Variants in SUMF1 observed in about 807,000 individuals in gnomAD.
The protein encoded by SUMF1 is sulfatase modifying factor 1.
SUMF1 carries 48 observed loss-of-function variants against 47.6 expected under a neutral mutation model. The ratio of observed to expected loss-of-function variants is 1.01; its 90% CI spans 0.80 to 1.28. The LOEUF (loss-of-function observed/expected upper bound fraction) is 1.28. Among genes scored for constraint, SUMF1 ranks in the 50% most tolerant of loss-of-function variants. SUMF1 has a pLI of 0.00. For synonymous variants in SUMF1, 230 were observed against 192.1 expected (o/e 1.20, Z -1.63); for missense variants, 571 against 485.4 (o/e 1.18, Z -1.66).
chr3:4,419,361 C>T (rs1482056062), intron 4 of SUMF1, among the ~76,000 whole-genome samples: 1 of 152,140 alleles, frequency 6.6e-6, no homozygotes, highest in Non-Finnish European at 1.5e-5. Context: ...AGCTCCCCGA[C>T]AATAAGGGCA....
intron 8 of SUMF1, among the ~76,000 whole-genome samples, chr3:4,321,185 G>A (rs1049699776): frequency 1.3e-5 from 2 of 152,066 alleles, no homozygotes; most frequent in African/African-American, 4.8e-5. Flanking sequence ...ATTTAGCTTA[G>A]TATAGATACA....
chr3:4,371,683 A>G (rs766027921), intron 8 of SUMF1, among the ~76,000 whole-genome samples: 5 of 152,202 alleles, frequency 3.3e-5, no homozygotes, highest in African/African-American at 4.8e-5. Flanking sequence ...AACAACAATG[A>G]GTATTTCTTG....
At chr3:4,433,771 T>C (rs1702309090) in intron 3 of SUMF1, among the ~76,000 whole-genome samples, 2 of 152,226 alleles carry the variant, frequency 1.3e-5, no homozygotes, top group African/African-American at 4.8e-5. Context: ...TAGAGTTGTA[T>C]GCTGAACACA....
At chr3:4,042,265 C>T (rs1211914215) in intron 9 of SUMF1, among the ~76,000 whole-genome samples, 2 of 152,038 alleles carry the variant, frequency 1.3e-5, no homozygotes, top group African/African-American at 4.8e-5. Flanking sequence ...TCTATTATGT[C>T]ACCTGATCTT....
chr3:4,204,777 G>A (rs763793635), intron 8 of SUMF1, among the ~76,000 whole-genome samples: 4 of 151,578 alleles, frequency 2.6e-5, no homozygotes, highest in Non-Finnish European at 4.4e-5. Context: ...ACACACTGAT[G>A]TATTTTTTCA....
chr3:4,334,041 T>A (rs1415011717), intron 8 of SUMF1, among the ~76,000 whole-genome samples: 1 of 151,820 alleles, frequency 6.6e-6, no homozygotes, highest in Non-Finnish European at 1.5e-5. Context: ...GGTGGGCAGA[T>A]CACTTGAGCC....
At chr3:4,163,229 A>C (rs1694619461) in intron 8 of SUMF1, among the ~76,000 whole-genome samples, 1 of 151,542 alleles carries the variant, frequency 6.6e-6, no homozygotes, top group African/African-American at 2.4e-5. Flanking sequence ...ATTGAAGAGA[A>C]GAGAAACAAA....
In SUMF1 at chr3:4,264,435, CAG is replaced by C. The variant is rs1255014648; in HGVS notation, c.1014+111893_1014+111894del. Among the ~76,000 whole-genome samples, 9 of 152,324 alleles carry C rather than the reference CAG, an allele frequency of 5.9e-5. No homozygotes were observed. The South Asian group carries it at 1.9e-3, about 32-fold the overall frequency. On this transcript the variant is annotated intron_variant and NMD_transcript_variant, in intron 8 of 12. Coordinates refer to the SUMF1 transcript ENST00000448413. Reference sequence around the variant, plus strand: ...CGTCAAGTATCACCACACTGACAAACAGGGGAGGTTGGAGTGATGAACATTTC... The same window carrying C: ...CGTCAAGTATCACCACACTGACAAACGGGAGGTTGGAGTGATGAACATTTC...
intron 8 of SUMF1, among the ~76,000 whole-genome samples, chr3:4,093,436 T>C (rs994943147): frequency 5.9e-5 from 9 of 151,330 alleles, no homozygotes; most frequent in Admixed American, 3.3e-4. Context: ...GCTTTGCAAA[T>C]AGGAACACAG....
chr3:4,299,179 A>T (rs1339188781), intron 8 of SUMF1, among the ~76,000 whole-genome samples: 1 of 152,224 alleles, frequency 6.6e-6, no homozygotes, highest in Non-Finnish European at 1.5e-5. Flanking sequence ...AGCTTCTGAG[A>T]GGCAAGGCTT....
chr3:4,276,738 T>C (rs1697428431), intron 8 of SUMF1, among the ~76,000 whole-genome samples: 1 of 152,226 alleles, frequency 6.6e-6, no homozygotes, highest in South Asian at 2.1e-4. Flanking sequence ...TTTCCAAATA[T>C]GGCTTCATAG....
chr3:4,170,787 C>A (rs1280886403), intron 8 of SUMF1, among the ~76,000 whole-genome samples: 1 of 151,968 alleles, frequency 6.6e-6, no homozygotes, highest in Non-Finnish European at 1.5e-5. Context: ...TTAACAACAA[C>A]AAAAAAACGA....
chr3:4,297,203 C>T (rs1281900597), intron 8 of SUMF1, among the ~76,000 whole-genome samples: 16 of 139,894 alleles, frequency 1.1e-4, no homozygotes, highest in Non-Finnish European at 2.2e-4. Flanking sequence ...ATAAACATAA[C>T]TGTCTGTGAG....
chr3:4,377,382 G>A (rs543015670), intron 7 of SUMF1, among the ~76,000 whole-genome samples: 1 of 152,008 alleles, frequency 6.6e-6, no homozygotes, highest in Non-Finnish European at 1.5e-5. Context: ...CACAGTTTGA[G>A]CACTTTACAA....
At chr3:4,094,529 G>C (rs1439226857) in intron 8 of SUMF1, among the ~76,000 whole-genome samples, 1 of 152,062 alleles carries the variant, frequency 6.6e-6, no homozygotes, top group Non-Finnish European at 1.5e-5. Context: ...GGCTTTGAAG[G>C]TGAGGTAAGC....
chr3:4,175,256 C>T (rs911673460), intron 8 of SUMF1, among the ~76,000 whole-genome samples: 1 of 152,156 alleles, frequency 6.6e-6, no homozygotes, highest in African/African-American at 2.4e-5. Flanking sequence ...CCCCGTGTAG[C>T]CTAACTGGGA....
At chr3:4,459,517 C>A (rs1228904049) in intron 1 of SUMF1, among the ~76,000 whole-genome samples, 1 of 152,276 alleles carries the variant, frequency 6.6e-6, no homozygotes, top group African/African-American at 2.4e-5. Flanking sequence ...TTTCTACTGG[C>A]TTTCCTTGCT....
intron 8 of SUMF1, among the ~76,000 whole-genome samples, chr3:4,173,887 G>A (rs890199262): frequency 6.6e-6 from 1 of 152,124 alleles, no homozygotes; most frequent in African/African-American, 2.4e-5. Flanking sequence ...CGGAGGTGGG[G>A]TGCTAGGGGA....
intron 8 of SUMF1, among the ~76,000 whole-genome samples, chr3:4,107,399 C>T (rs1693183074): frequency 6.6e-6 from 1 of 152,066 alleles, no homozygotes; most frequent in Admixed American, 6.6e-5. Context: ...GCAGCTATCA[C>T]TGAGGCTCAC....
Sources: gnomAD v4.1 joint callset for allele counts (sites outside exome capture counted in the v4.1 genomes callset) on GRCh38, gnomAD v4.1.1 for gene constraint, MANE v1.5 for transcripts, NCBI Gene and HGNC (gene_info 2026-07-23, HGNC 2026-07-21) for gene names.